Variants in CALN1 observed in about 807,000 individuals in gnomAD.
CALN1 encodes calneuron 1.
A neutral mutation model predicts 30.6 loss-of-function variants in CALN1; 17 were observed. The observed-to-expected ratio is 0.56, with a 90% confidence interval of 0.38 to 0.83. The LOEUF (loss-of-function observed/expected upper bound fraction) is 0.83. Ranked by LOEUF, CALN1 falls within the 40% of genes least tolerant of loss-of-function variation. CALN1 has a pLI of 0.00. For missense variants in CALN1, 291 were observed against 354.9 expected (o/e 0.82, Z 1.45); for synonymous variants, 156 against 131.4 (o/e 1.19, Z -1.28).
chr7:72,079,043 T>G (rs1175997392), intron 4 of CALN1, among the ~76,000 whole-genome samples: 6 of 152,224 alleles, frequency 3.9e-5, no homozygotes, highest in Admixed American at 3.9e-4. Flanking sequence ...ACTCGGCTGC[T>G]GCAGTTTCGC....
At chr7:72,101,231 A>G (rs1806642667) in intron 4 of CALN1, among the ~76,000 whole-genome samples, 1 of 152,134 alleles carries the variant, frequency 6.6e-6, no homozygotes, top group South Asian at 2.1e-4. Context: ...CTCCGATAAC[A>G]GGTGCGATTG....
rs1795710557 is a variant in CALN1 at position 71,934,204 on chromosome 7, CAAAG to C, written c.501+89449_501+89452del. ...GACACCTCAAAAGATTGTGAATTCT[CAAAG>C]AAAGATAATATTCAATGAGAATTGT... On this transcript the variant is annotated intron_variant, in intron 5 of 6. Coordinates refer to ENST00000395275, the MANE Select transcript of CALN1 (RefSeq NM_031468.4). 5.9e-5 allele frequency among the ~76,000 whole-genome samples: 9 copies of C among 152,250 alleles called. No homozygotes were observed. In the South Asian group the frequency reaches 1.9e-3, roughly 32 times the overall value.
intron 5 of CALN1, among the ~76,000 whole-genome samples, chr7:71,939,572 C>CAAAA (rs35583884): frequency 1.5e-5 from 2 of 131,534 alleles, no homozygotes; most frequent in Non-Finnish European, 1.6e-5. Flanking sequence ...GATGTTGTCT[C>CAAAA]AAAAAAAAAA....
At chr7:72,149,231 C>G (rs146369066) in intron 3 of CALN1, among the ~76,000 whole-genome samples, 2 of 151,918 alleles carry the variant, frequency 1.3e-5, no homozygotes, top group African/African-American at 2.4e-5. Context: ...TTTGGGAGAC[C>G]GAGGCGGGTG....
the CALN1 span, among the ~76,000 whole-genome samples, chr7:72,458,711 A>G: frequency 1.3e-5 from 1 of 79,348 alleles, no homozygotes; most frequent in African/African-American, 5.4e-5. Context: ...TATATTATAT[A>G]ATATATTTTA....
the CALN1 span, among the ~76,000 whole-genome samples, chr7:72,457,410 T>C: frequency 7.9e-5 from 12 of 152,160 alleles, no homozygotes; most frequent in Non-Finnish European, 4.4e-5. Flanking sequence ...TGAAAGTACA[T>C]GGTCTCCAGC....
chr7:72,179,156 G>A (rs533248699), intron 3 of CALN1, among the ~76,000 whole-genome samples: 1 of 152,172 alleles, frequency 6.6e-6, no homozygotes, highest in Non-Finnish European at 1.5e-5. Context: ...TTTAAATTCA[G>A]TATTATGACT....
intron 2 of CALN1, among the ~76,000 whole-genome samples, chr7:72,354,893 T>G (rs950810002): frequency 1.3e-5 from 2 of 148,246 alleles, no homozygotes; most frequent in Non-Finnish European, 2.9e-5. Flanking sequence ...AAATTTCTTT[T>G]TTTTTTTCTT....
At chr7:72,041,497 C>T (rs1244163860) in intron 4 of CALN1, among the ~76,000 whole-genome samples, 1 of 152,114 alleles carries the variant, frequency 6.6e-6, no homozygotes, top group Non-Finnish European at 1.5e-5. Context: ...AATTCTCCTG[C>T]CTCAGCCTCC....
chr7:71,995,626 C>T (rs899531241), intron 5 of CALN1, among the ~76,000 whole-genome samples: 1 of 152,032 alleles, frequency 6.6e-6, no homozygotes, highest in South Asian at 2.1e-4. Flanking sequence ...CCCAGACAAA[C>T]CCCACATGAC....
intron 3 of CALN1, among the ~76,000 whole-genome samples, chr7:72,147,998 G>A (rs180685231): frequency 6.7e-6 from 1 of 150,058 alleles, no homozygotes; most frequent in East Asian, 2.0e-4. Context: ...TGTAAATGAC[G>A]AGTTAATAGG....
At chr7:71,866,610 A>C (rs1371601930) in intron 5 of CALN1, among the ~76,000 whole-genome samples, 1 of 152,132 alleles carries the variant, frequency 6.6e-6, no homozygotes, top group Non-Finnish European at 1.5e-5. Context: ...AATGGAATGA[A>C]CTGAGTACTC....
At chr7:71,821,928 C>T (rs573789462) in intron 5 of CALN1, among the ~76,000 whole-genome samples, 16 of 151,718 alleles carry the variant, frequency 1.1e-4, no homozygotes, top group South Asian at 4.2e-4. Context: ...GCTGGGACTA[C>T]GGCTAATTTT....
chr7:72,040,871 G>C (rs1465861477), intron 4 of CALN1, among the ~76,000 whole-genome samples: 1 of 152,156 alleles, frequency 6.6e-6, no homozygotes, highest in Non-Finnish European at 1.5e-5. Flanking sequence ...TGGGCTTTCA[G>C]CCTTCAGAAC....
At chr7:71,835,960 T>C (rs1789575018) in intron 5 of CALN1, among the ~76,000 whole-genome samples, 1 of 152,192 alleles carries the variant, frequency 6.6e-6, no homozygotes, top group Non-Finnish European at 1.5e-5. Flanking sequence ...CTGTTGGTGT[T>C]AGACTCGGCT....
chr7:72,139,620 C>G (rs942754353), intron 3 of CALN1, among the ~76,000 whole-genome samples: 6 of 151,274 alleles, frequency 4.0e-5, no homozygotes, highest in African/African-American at 1.2e-4. Context: ...CTACCCTCTT[C>G]TAAGCCTCTC....
chr7:71,836,897 C>T (rs928102040), intron 5 of CALN1, among the ~76,000 whole-genome samples: 1 of 148,940 alleles, frequency 6.7e-6, no homozygotes, highest in African/African-American at 2.4e-5. Flanking sequence ...GGATTACAGG[C>T]GTGAGCCACC....
chr7:71,986,445 A>C (rs900243971), intron 5 of CALN1, among the ~76,000 whole-genome samples: 9 of 152,256 alleles, frequency 5.9e-5, no homozygotes, highest in African/African-American at 2.2e-4. Context: ...AGATAAAATT[A>C]TACAAGATAT....
rs139403306 is a variant in CALN1 at position 72,343,185 on chromosome 7, G to T, written c.119+60066C>A. Among the ~76,000 whole-genome samples, 29 of 152,330 alleles carry T rather than the reference G, an allele frequency of 1.9e-4. 1 individual carries two copies. In the East Asian group the frequency reaches 5.2e-3, roughly 27 times the overall value. ...AAACTCTTGGAGGAAACATGAAGGG[G>T]CACAGGAAGGGCTTATTGGAAGCTG... On this transcript the variant is annotated intron_variant, in intron 2 of 6. Transcript: ENST00000395275.
Sources: allele counts gnomAD v4.1 joint callset (sites outside exome capture counted in the v4.1 genomes callset), GRCh38; gene constraint gnomAD v4.1.1; transcripts MANE v1.5; gene names NCBI Gene and HGNC (gene_info 2026-07-23, HGNC 2026-07-21).